The following VWDE variants were observed in gnomAD, a reference collection of about 807,000 sequenced individuals.
VWDE encodes von Willebrand factor D and EGF domains.
A neutral mutation model predicts 178.4 loss-of-function variants in VWDE; 207 were observed. That is an observed-to-expected ratio of 1.16 (90% CI 1.04 to 1.30). The LOEUF is 1.30. Among genes scored for constraint, VWDE ranks in the 50% most tolerant of loss-of-function variants. The probability of loss-of-function intolerance (pLI) is 0.00; values close to 1 mark genes in which losing one functional copy is unlikely to be tolerated. For synonymous variants in VWDE, 738 were observed against 651.4 expected, an observed-to-expected ratio of 1.13 and a Z score of -2.02; for missense variants, 2,287 against 1,901.3, an observed-to-expected ratio of 1.20 and a Z score of -3.77.
chr7:12,380,847 A>G (rs1783818371), intron 4 of VWDE, 114 bp from the exon 5 acceptor site: 11 of 1,199,770 alleles, frequency 9.2e-6, no homozygotes, highest in Non-Finnish European at 1.3e-5. Flanking sequence ...AAAGCAAGCT[A>G]AATTTAGAAA....
At chr7:12,332,287 C>T (rs1397335189) in intron 28 of VWDE, among the ~76,000 whole-genome samples, 3 of 152,066 alleles carry the variant, frequency 2.0e-5, no homozygotes, top group African/African-American at 4.8e-5. Context: ...ACATATTGTC[C>T]TCATGCTTAG....
intron 18 of VWDE, among the ~76,000 whole-genome samples, chr7:12,355,584 T>A (rs1216202871): frequency 1.3e-5 from 2 of 152,148 alleles, no homozygotes; most frequent in African/African-American, 4.8e-5. Flanking sequence ...TCATATGAGT[T>A]TTTAAAAAGC....
At chr7:12,349,598 T>C (rs1781817941) in intron 19 of VWDE, among the ~76,000 whole-genome samples, 1 of 151,144 alleles carries the variant, frequency 6.6e-6, no homozygotes, top group Non-Finnish European at 1.5e-5. Context: ...ATAATTTAAG[T>C]ACCTATTATG....
chr7:12,389,877 G>T (rs1292181172), intron 2 of VWDE, among the ~76,000 whole-genome samples: 1 of 152,160 alleles, frequency 6.6e-6, no homozygotes, highest in Non-Finnish European at 1.5e-5. Flanking sequence ...AAATAATACA[G>T]TTTGGTGGGG....
At chr7:12,359,395 C>A (rs549214939) in intron 16 of VWDE, among the ~76,000 whole-genome samples, 183 bp downstream of exon 16, 1 of 152,244 alleles carries the variant, frequency 6.6e-6, no homozygotes, top group East Asian at 1.9e-4. Context: ...AATCACAAAT[C>A]CTTTCCTAAT....
intron 27 of VWDE, among the ~76,000 whole-genome samples, chr7:12,334,538 G>A (rs967916701): frequency 6.6e-6 from 1 of 152,136 alleles, no homozygotes; most frequent in African/African-American, 2.4e-5. Flanking sequence ...CCATTCACAT[G>A]ATACATATCA....
In VWDE at chr7:12,380,652, C is replaced by A; in HGVS notation, c.623G>T (p.Cys208Phe). The A allele has an allele frequency of 1.9e-6, 3 of 1,552,176 alleles. No individual in the cohort carries two copies. Among genetic ancestry groups the A allele is most frequent in the Non-Finnish European group, 2.6e-6 (3 of 1,147,116 alleles). The change falls in exon 5 of 29, where the codon TGT (cysteine) becomes TTT (phenylalanine). Residue 208 changes from cysteine (C) to phenylalanine (F), a missense_variant. Cys to Phe is a radical substitution (Grantham distance 205). Coordinates refer to ENST00000275358, the MANE Select transcript of VWDE (RefSeq NM_001135924.3). ...AGCGGGAACATCAAAAGAACACCTA[C>A]AGAAAAGCCTGGACTCAATCAACTC... Reference protein sequence around the residue: ...LVELIESRLFCRCSFDVPATK... With the variant: ...LVELIESRLFFRCSFDVPATK...
Position 12,358,839 on chromosome 7 carries a change from T to C in VWDE, c.3274+739A>G, listed in dbSNP as rs139828284. On this transcript the variant is annotated intron_variant, in intron 16 of 28. Transcript: ENST00000275358. The stretch of plus-strand genomic sequence containing the variant: ...ACTACATTTTTCCTCAAATTTCCAT[T>C]GTCTTCCCACAGCATTCCATGAGTC... Among the ~76,000 whole-genome samples, 424 of 152,314 alleles carry C rather than the reference T, an allele frequency of 2.8e-3. 4 individuals are homozygous for C. Among genetic ancestry groups the C allele is most frequent in the African/African-American group, 9.9e-3 (411 of 41,570 alleles).
Position 12,377,988 on chromosome 7 carries a change from A to G in VWDE, c.880-68T>C, listed in dbSNP as rs553519091. 4 of 1,233,828 alleles carry G rather than the reference A, an allele frequency of 3.2e-6. No homozygotes were observed. In the African/African-American group the frequency reaches 6.2e-5, roughly 19 times the overall value. 76.4% of individuals were successfully genotyped at this position (1,233,828 alleles called of 1,614,324 possible). A position where few individuals can be genotyped will look rare whatever the true frequency, so the allele number is the denominator to read the frequency against. ...TTTATTTCTAAGGCACAGTTTTGAA[A>G]GGGCATTTTCTCAACAGCACATATT... On this transcript the variant is annotated intron_variant, in intron 6 of 28. Coordinates refer to ENST00000275358, the MANE Select transcript of VWDE (RefSeq NM_001135924.3).
intron 3 of VWDE, 137 bp from the exon 4 acceptor site, chr7:12,383,738 A>T (rs566952174): frequency 2.7e-6 from 2 of 733,456 alleles, no homozygotes; most frequent in East Asian, 3.0e-5. Context: ...ATTTCATAAC[A>T]TTTTTTTCCT....
chr7:12,372,942 G>A, intron 10 of VWDE, 35 bp downstream of exon 10: 6 of 1,530,540 alleles, frequency 3.9e-6, no homozygotes, highest in Non-Finnish European at 5.3e-6. Flanking sequence ...GGAGAAAAAG[G>A]AAAAATACTT....
chr7:12,351,407 G>A (rs1169212924), intron 19 of VWDE, among the ~76,000 whole-genome samples, 166 bp downstream of exon 19: 1 of 152,142 alleles, frequency 6.6e-6, no homozygotes. Context: ...TAAGCCAGAT[G>A]ATTGAATAGA....
Position 12,357,426 on chromosome 7 carries a change from G to T in VWDE, c.3364C>A (p.Pro1122Thr), listed in dbSNP as rs1485179478. 3.2e-6 allele frequency: 5 copies of T among 1,551,818 alleles called. No homozygotes were observed. The highest frequency in any genetic ancestry group is 4.4e-6 in the Non-Finnish European group (5 of 1,147,066). Residue 1122 changes from proline (P) to threonine (T), a missense_variant, in exon 17 of 29, where the codon CCA becomes ACA. Transcript: ENST00000275358. Reference protein sequence around the residue: ...NFEYQFVAFDPEGSDIHFTLD... With the variant: ...NFEYQFVAFDTEGSDIHFTLD... ...GTAAAATGGATGTCAGAACCTTCTGGATCGAAGGCCACGAACTGATACTCA... is the reference window on the plus strand; with the variant it reads ...GTAAAATGGATGTCAGAACCTTCTGTATCGAAGGCCACGAACTGATACTCA...
At chr7:12,340,998 T>G (rs1251527537) in intron 23 of VWDE, among the ~76,000 whole-genome samples, 5 of 152,196 alleles carry the variant, frequency 3.3e-5, no homozygotes, top group Non-Finnish European at 7.3e-5. Context: ...TCCTACCCAT[T>G]CACCAACATC....
At chr7:12,364,027 A>G (rs1281925357) in intron 13 of VWDE, among the ~76,000 whole-genome samples, 3 of 152,024 alleles carry the variant, frequency 2.0e-5, no homozygotes, top group Admixed American at 2.0e-4. Context: ...TTACATATAC[A>G]TTTAGATTGA....
chr7:12,347,051 A>G (rs1480665040), intron 19 of VWDE, among the ~76,000 whole-genome samples: 1 of 152,168 alleles, frequency 6.6e-6, no homozygotes, highest in Non-Finnish European at 1.5e-5. Flanking sequence ...TGCACCAAAT[A>G]TAGCCCCAAA....
intron 4 of VWDE, 88 bp from the exon 5 acceptor site, chr7:12,380,821 T>G (rs6959370): frequency 0.7 from 988,892 of 1,422,638 alleles, 346,666 homozygotes; most frequent in Non-Finnish European, 0.71. Context: ...TATAACTCTG[T>G]GGTTTATCTT....
Position 12,344,281 on chromosome 7 carries a change from T to A in VWDE, c.3992A>T (p.Asp1331Val). The A allele has an allele frequency of 6.4e-7, 1 of 1,551,002 alleles. No individual in the cohort carries two copies. Among genetic ancestry groups the A allele is most frequent in the Admixed American group, 2.0e-5 (1 of 50,934 alleles). ...IGSNCQTALCDPDCKNHGKCI... is the reference protein window; with the variant it reads ...IGSNCQTALCVPDCKNHGKCI... ...TTTTCCATGGTTTTTGCAATCAGGGTCACAAAGAGCTGTATAAAATAAAGC... is the reference window on the plus strand; with the variant it reads ...TTTTCCATGGTTTTTGCAATCAGGGACACAAAGAGCTGTATAAAATAAAGC... The change falls in exon 21 of 29, where the codon GAC (aspartate) becomes GTC (valine). Residue 1331 changes from aspartate to valine, a missense_variant. By Grantham distance (152) the Asp-to-Val change is radical (BLOSUM62 -3). Transcript: ENST00000275358.
intron 18 of VWDE, 62 bp downstream of exon 18, chr7:12,356,049 T>A: frequency 7.6e-7 from 1 of 1,314,392 alleles, no homozygotes; most frequent in Non-Finnish European, 1.1e-6. Flanking sequence ...GCTTAAGTAA[T>A]CTGTAGATAT....
Sources: gnomAD v4.1 joint callset for allele counts (sites outside exome capture counted in the v4.1 genomes callset) on GRCh38, gnomAD v4.1.1 for gene constraint, MANE v1.5 for transcripts, NCBI Gene and HGNC (gene_info 2026-07-23, HGNC 2026-07-21) for gene names.